The following PSMD9 variants were observed in gnomAD, a reference collection of about 807,000 sequenced individuals.
The protein encoded by PSMD9 is proteasome 26S subunit, non-ATPase 9, also known as 26S proteasome non-ATPase regulatory subunit 9.
In PSMD9, 26 loss-of-function variants were observed where a neutral mutation model predicts 25.9. That is an observed-to-expected ratio of 1.00 (90% CI 0.73 to 1.39). The LOEUF is 1.39. Among genes scored for constraint, PSMD9 ranks in the 40% most tolerant of loss-of-function variants. The probability of loss-of-function intolerance (pLI) is 0.00; values close to 1 mark genes in which losing one functional copy is unlikely to be tolerated. For missense variants in PSMD9, 303 were observed against 299.3 expected (o/e 1.01, Z -0.09); for synonymous variants, 110 against 114.5 (o/e 0.96, Z 0.25).
chr12:121,918,089 G>A lies in PSMD9; in HGVS notation c.*1778G>A, dbSNP rs146371478. 2.6e-5 allele frequency: 4 copies of A among 152,286 alleles called. No homozygotes were observed. The highest frequency in any genetic ancestry group is 4.4e-5 in the Non-Finnish European group (3 of 68,038). 9.4% of individuals were successfully genotyped at this position (152,286 alleles called of 1,614,324 possible). A position where few individuals can be genotyped will look rare whatever the true frequency, so the allele number is the denominator to read the frequency against. ...GATGTTAGTGGAGAGCCACTTTGAC[G>A]TGGAATGATCCTAATAGATATAGCC... On this transcript the variant is annotated 3_prime_UTR_variant, in exon 6 of 6. Coordinates refer to ENST00000541212, the MANE Select transcript of PSMD9 (RefSeq NM_002813.7). The surrounding 1 kb of genome is among the most constrained non-coding windows in gnomAD (Gnocchi z 4.3).
At chr12:121,895,032 TTCTCTC>T (rs375696363) in intron 2 of PSMD9, among the ~76,000 whole-genome samples, 191 bp downstream of exon 2, 1 of 151,186 alleles carries the variant, frequency 6.6e-6, no homozygotes, top group Non-Finnish European at 1.5e-5. Flanking sequence ...TGGTTTCATT[TTCTCTC>T]TCTCTCTCTC....
intron 3 of PSMD9, 174 bp from the exon 4 acceptor site, chr12:121,902,832 T>G (rs1001802410): frequency 1.4e-5 from 8 of 568,196 alleles, no homozygotes; most frequent in Admixed American, 5.7e-5. Flanking sequence ...GTGGCCCCGT[T>G]ACCCACTGCC....
At chr12:121,902,948 AC>A (rs1329778684) in intron 3 of PSMD9, 57 bp from the exon 4 acceptor site, 1 of 1,398,510 alleles carries the variant, frequency 7.2e-7, no homozygotes, top group East Asian at 2.3e-5. Context: ...AAGGTTAGAG[AC>A]CACCAGGAGC....
rs1043625755 is a variant in PSMD9, at chr12:121,904,522, C to T, written c.555+1415C>T. 1.0e-4 allele frequency among the ~76,000 whole-genome samples: 15 copies of T among 150,234 alleles called. 2 individuals carry two copies. Among genetic ancestry groups the T allele is most frequent in the African/African-American group, 3.7e-4 (15 of 40,520 alleles). ...CCAGGAGGCAGAGCTTGCAGTGAGC[C>T]GAGATCGCGCCATTGCACTCCAGCC... is the stretch of plus-strand genomic sequence containing the variant. On this transcript the variant is annotated intron_variant, in intron 4 of 5. Transcript: ENST00000541212.
intron 1 of PSMD9, among the ~76,000 whole-genome samples, chr12:121,891,322 C>T (rs1047187887): frequency 5.5e-4 from 77 of 140,176 alleles, no homozygotes; most frequent in Admixed American, 1.5e-3. Context: ...AAAAAAAGGC[C>T]GGGTGCGGTG....
chr12:121,895,252 T>A (rs1393022424), intron 2 of PSMD9, among the ~76,000 whole-genome samples: 2 of 152,112 alleles, frequency 1.3e-5, no homozygotes, highest in African/African-American at 4.8e-5. Flanking sequence ...GTGGCCCAGG[T>A]GAGTCTTGAA....
Position 121,916,394 on chromosome 12 carries a change from C to T in PSMD9, c.*83C>T. ...GGGATTTCCAACTTGTCTTCTCTCC[C>T]TGAAGCATAAGGATCTGGAAGAGGC... On this transcript the variant is annotated 3_prime_UTR_variant, in exon 6 of 6. Transcript: ENST00000541212. The T allele has an allele frequency of 6.6e-7, 1 of 1,523,830 alleles. No individual in the cohort carries two copies. The highest frequency in any genetic ancestry group is 9.1e-7 in the Non-Finnish European group (1 of 1,098,070). 94.4% of individuals were successfully genotyped at this position (1,523,830 alleles called of 1,614,324 possible). A position where few individuals can be genotyped will look rare whatever the true frequency, so the allele number is the denominator to read the frequency against.
intron 3 of PSMD9, among the ~76,000 whole-genome samples, chr12:121,900,262 A>C (rs1336271292): frequency 6.6e-6 from 1 of 152,218 alleles, no homozygotes; most frequent in Non-Finnish European, 1.5e-5. Flanking sequence ...TAATCCCAGC[A>C]CTTGAGAAGG....
chr12:121,893,374 TC>T (rs1879143338), intron 1 of PSMD9, among the ~76,000 whole-genome samples: 1 of 150,446 alleles, frequency 6.6e-6, no homozygotes, highest in African/African-American at 2.5e-5. Flanking sequence ...ATCCCTCTTC[TC>T]AGTGCCTGTG....
intron 2 of PSMD9, chr12:121,899,261 T>C (rs1448446341): frequency 1.3e-5 from 3 of 237,018 alleles, no homozygotes; most frequent in Non-Finnish European, 2.5e-5. Flanking sequence ...CTCATACATA[T>C]GCCTTTGAGT....
chr12:121,895,410 G>C (rs1463291738), intron 2 of PSMD9, among the ~76,000 whole-genome samples: 1 of 152,134 alleles, frequency 6.6e-6, no homozygotes, highest in African/African-American at 2.4e-5. Flanking sequence ...TAATTAAAGA[G>C]CTAGCAGAGA....
At chr12:121,901,666 CTTTTTTTTTTTT>C (rs563939839) in intron 3 of PSMD9, among the ~76,000 whole-genome samples, 2 of 93,610 alleles carry the variant, frequency 2.1e-5, no homozygotes, top group South Asian at 4.4e-4. Context: ...TTCATTCCTT[CTTTTTTTTTTTT>C]TTTTTTTTTT....
intron 4 of PSMD9, among the ~76,000 whole-genome samples, chr12:121,911,646 T>C (rs1879724134): frequency 6.6e-6 from 1 of 150,568 alleles, no homozygotes; most frequent in South Asian, 2.1e-4. Context: ...TTTTTTTAAC[T>C]TCAATATATG....
chr12:121,903,218 G>A, intron 4 of PSMD9, 111 bp downstream of exon 4: 1 of 989,362 alleles, frequency 1.0e-6, no homozygotes, highest in Non-Finnish European at 1.5e-6. Context: ...CTGGAGGCAG[G>A]GAAGTCCAAG....
rs769456187 is a variant in PSMD9 at position 121,888,816 on chromosome 12, C to T, written c.-41C>T. ...CGGTCGACTGGGGCGTCGTCCCTAG[C>T]CCGGGAGCCGGGTCTCTGGAGTCGC... On this transcript the variant is annotated 5_prime_UTR_variant, in exon 1 of 6. Transcript: ENST00000541212. 1 of 1,583,022 alleles carries T rather than the reference C, an allele frequency of 6.3e-7. No individual in the cohort carries two copies. The highest frequency in any genetic ancestry group is 2.3e-5 in the East Asian group (1 of 43,636).
At chr12:121,915,579 G>C (rs1210063150) in intron 4 of PSMD9, 2 of 385,308 alleles carry the variant, frequency 5.2e-6, no homozygotes, top group African/African-American at 4.1e-5. Context: ...TAATTTGTAT[G>C]TCATCTTGCA....
At chr12:121,915,740 G>T (rs1879877197) in intron 4 of PSMD9, 116 bp from the exon 5 acceptor site, 7 of 922,018 alleles carry the variant, frequency 7.6e-6, no homozygotes, top group Non-Finnish European at 3.3e-6. Context: ...ACAGGATTAT[G>T]CTGCAAATGT....
chr12:121,915,005 C>G (rs1354089519), intron 4 of PSMD9: 1 of 152,150 alleles, frequency 6.6e-6, no homozygotes, highest in Admixed American at 6.6e-5. Flanking sequence ...ACTTCGCACA[C>G]TAGAGCAACA....
At chr12:121,890,450 T>C (rs938311980) in intron 1 of PSMD9, among the ~76,000 whole-genome samples, 13 of 152,122 alleles carry the variant, frequency 8.5e-5, no homozygotes, top group Admixed American at 1.3e-4. Context: ...ACTTTTAATC[T>C]TATATAAATG....
Sources: allele counts gnomAD v4.1 joint callset (sites outside exome capture counted in the v4.1 genomes callset), GRCh38; gene constraint gnomAD v4.1.1; non-coding constraint Gnocchi (gnomAD v3.1); transcripts MANE v1.5; gene names NCBI Gene and HGNC (gene_info 2026-07-23, HGNC 2026-07-21).